The following FREM1 variants were observed in gnomAD, a reference collection of about 807,000 sequenced individuals.
The protein encoded by FREM1 is FRAS1 related extracellular matrix 1.
Under a neutral mutation model 210.1 loss-of-function variants are expected in FREM1, and 220 were observed. The ratio of observed to expected loss-of-function variants is 1.05; its 90% confidence interval spans 0.94 to 1.17. The LOEUF (loss-of-function observed/expected upper bound fraction) is 1.17. Ranked by LOEUF, FREM1 falls within the 50% of genes most tolerant of loss-of-function variation. The pLI is 0.00. For missense variants in FREM1, 3,454 were observed against 2,675.5 expected (o/e 1.29, Z -6.42); for synonymous variants, 1,189 against 980.2 (o/e 1.21, Z -3.98).
chr9:14,789,274 T>G (rs954065103), intron 22 of FREM1, among the ~76,000 whole-genome samples, 160 bp from the exon 23 acceptor site: 1 of 152,212 alleles, frequency 6.6e-6, no homozygotes, highest in African/African-American at 2.4e-5. Context: ...TTTTTTTCTT[T>G]TCAAAGAAAT....
At chr9:14,883,204 A>G (rs1000693791) in intron 1 of FREM1, among the ~76,000 whole-genome samples, 3 of 152,204 alleles carry the variant, frequency 2.0e-5, no homozygotes, top group Non-Finnish European at 4.4e-5. Context: ...ACAACAGAAT[A>G]CATATTAAAA....
rs569581054 is a variant in FREM1, at chr9:14,751,540, A to G, written c.5408-1264T>C. ...GTGGGCGTGGTGGCACGTGCCTGTGATCTCAACCACTCAGGAGGCTGAGGT... is the reference window on the plus strand; with the variant it reads ...GTGGGCGTGGTGGCACGTGCCTGTGGTCTCAACCACTCAGGAGGCTGAGGT... On this transcript the variant is annotated intron_variant, in intron 29 of 36. Coordinates refer to ENST00000380880, the MANE Select transcript of FREM1 (RefSeq NM_001379081.2). 2.6e-5 allele frequency among the ~76,000 whole-genome samples: 4 copies of G among 152,230 alleles called. No homozygotes were observed. In the South Asian group the frequency reaches 8.3e-4, roughly 32 times the overall value.
chr9:14,792,269 C>T (rs1255751841), intron 22 of FREM1, among the ~76,000 whole-genome samples: 3 of 104,594 alleles, frequency 2.9e-5, no homozygotes, highest in Non-Finnish European at 5.8e-5. Flanking sequence ...CCCACACACA[C>T]ACGCACACAC....
chr9:14,906,196 C>G (rs1033203146), intron 1 of FREM1, among the ~76,000 whole-genome samples: 1 of 152,160 alleles, frequency 6.6e-6, no homozygotes, highest in African/African-American at 2.4e-5. Context: ...CATTTTACCC[C>G]TGAGGAAACT....
rs79755908 is a variant in FREM1 at position 14,773,316 on chromosome 9, T to A, written c.4857+2473A>T. On this transcript the variant is annotated intron_variant, in intron 25 of 36. Coordinates refer to ENST00000380880, the MANE Select transcript of FREM1 (RefSeq NM_001379081.2). ...CTGGTATCAGTCAAATACACCTGTGTGTTGCAGCAGTTTTGCCCTCAATTA... is the reference window on the plus strand; with the variant it reads ...CTGGTATCAGTCAAATACACCTGTGAGTTGCAGCAGTTTTGCCCTCAATTA... Among the ~76,000 whole-genome samples the A allele has an allele frequency of 1.2e-3, 177 of 152,344 alleles. 1 individual carries two copies. Among genetic ancestry groups the A allele is most frequent in the African/African-American group, 4.1e-3 (170 of 41,576 alleles).
intron 1 of FREM1, among the ~76,000 whole-genome samples, chr9:14,899,178 T>A (rs1200517866): frequency 6.6e-6 from 1 of 152,104 alleles, no homozygotes; most frequent in African/African-American, 2.4e-5. Flanking sequence ...CTTCTGGGGA[T>A]CTCCTGACCC....
At chr9:14,823,900 G>C (rs1178410503) in intron 12 of FREM1, 125 bp downstream of exon 12, 1 of 492,834 alleles carries the variant, frequency 2.0e-6, no homozygotes, top group Non-Finnish European at 3.6e-6. Context: ...CAAGTAGCAA[G>C]TATAAAGATG....
chr9:14,899,257 G>A (rs1838332619), intron 1 of FREM1, among the ~76,000 whole-genome samples: 2 of 151,412 alleles, frequency 1.3e-5, no homozygotes, highest in South Asian at 4.1e-4. Flanking sequence ...ACATGTGGCT[G>A]CACACCCATG....
rs371055298 is a variant in FREM1, at chr9:14,770,721, C to A, written c.4943G>T (p.Gly1648Val). ...QVGLLKNGCY[G>V]IYITSRVLKA... ...CAACACGCGGGAAGTGATGTAAATC[C>A]CGTAGCAGCCATTTTTCAGGAGCCC... The change falls in exon 26 of 37, where the codon GGG (glycine) becomes GTG (valine). Residue 1648 changes from glycine to valine, a missense_variant. Transcript: ENST00000380880. 1.2e-6 allele frequency: 2 copies of A among 1,613,364 alleles called. No individual in the cohort carries two copies. The highest frequency in any genetic ancestry group is 1.3e-5 in the African/African-American group (1 of 74,876).
rs371254344 is a variant in FREM1 at position 14,737,584 on chromosome 9, G to A, written c.6352C>T (p.Gln2118Ter). 1.9e-6 allele frequency: 3 copies of A among 1,567,146 alleles called. No homozygotes were observed. The highest frequency in any genetic ancestry group is 4.6e-5 in the East Asian group (2 of 43,850). The change falls in exon 37 of 37, where the codon CAA becomes TAA. Residue 2118 changes from glutamine to a stop codon, truncating the protein, a stop_gained. Coordinates refer to ENST00000380880, the MANE Select transcript of FREM1 (RefSeq NM_001379081.2). LOFTEE classifies it high-confidence loss of function. ...CACTCCCAGTGGCCAGCATGCACTT[G>A]GTCGTTCAAACCTAATGTGAACCAA... ...RKSFWIGLND[Q>*]VHAGHWEWIG...
At chr9:14,876,958 G>A (rs1426864105) in intron 1 of FREM1, among the ~76,000 whole-genome samples, 2 of 152,176 alleles carry the variant, frequency 1.3e-5, no homozygotes, top group African/African-American at 4.8e-5. Context: ...AAAACTGGGA[G>A]GTAAGGGGGA....
chr9:14,877,841 C>T (rs934139723), intron 1 of FREM1, among the ~76,000 whole-genome samples: 3 of 152,150 alleles, frequency 2.0e-5, no homozygotes, highest in African/African-American at 7.2e-5. Flanking sequence ...TGACCCCAGA[C>T]CAAGGGAAAT....
chr9:14,747,808 T>C (rs1587677269), intron 31 of FREM1, 80 bp from the exon 32 acceptor site: 6 of 768,362 alleles, frequency 7.8e-6, no homozygotes, highest in Non-Finnish European at 1.3e-5. Context: ...CCAAGTAAGA[T>C]CTTGCTAATG....
intron 17 of FREM1, 146 bp downstream of exon 17, chr9:14,807,794 C>G: frequency 3.2e-6 from 2 of 634,264 alleles, no homozygotes; most frequent in Non-Finnish European, 5.3e-6. Context: ...GGGTTTTCCA[C>G]AAAATTTGTG....
Position 14,842,622 on chromosome 9 carries a change from C to A in FREM1, c.1432G>T (p.Ala478Ser), listed in dbSNP as rs768091023. ...TCATGATGATAGCGAACAACTCCAG[C>A]CTGGAGGTCAGCCACGGTGAAGAGA... ...GFLFTVADLQ[A>S]GVVRYHHDDS... Residue 478 changes from alanine (A) to serine (S), a missense_variant, in exon 9 of 37, where the codon GCT (alanine) becomes TCT (serine). Ala to Ser is a moderately conservative substitution (Grantham distance 99, BLOSUM62 1). Coordinates refer to ENST00000380880, the MANE Select transcript of FREM1 (RefSeq NM_001379081.2). 9.3e-6 allele frequency: 15 copies of A among 1,613,678 alleles called. 1 individual carries two copies. The highest frequency in any genetic ancestry group is 1.7e-5 in the Admixed American group (1 of 59,996).
chr9:14,860,792 T>C lies in FREM1; in HGVS notation c.330-1308A>G, dbSNP rs567315485. Among the ~76,000 whole-genome samples the C allele has an allele frequency of 3.5e-4, 44 of 126,514 alleles. 1 individual carries two copies. Among genetic ancestry groups the C allele is most frequent in the East Asian group, 3.3e-3 (14 of 4,218 alleles). The allele number at this position is 126,514 out of a possible 152,430, so 83.0% of individuals were successfully genotyped here. A position where few individuals can be genotyped will look rare whatever the true frequency, so the allele number is the denominator to read the frequency against. On this transcript the variant is annotated intron_variant, in intron 3 of 36. Transcript: ENST00000380880. ...ATATACACATATATACATATATACA[T>C]ATATACACATATATACATATATACA...
chr9:14,772,315 T>C (rs973380979), intron 25 of FREM1, among the ~76,000 whole-genome samples: 45 of 152,202 alleles, frequency 3.0e-4, no homozygotes, highest in African/African-American at 1.0e-3. Flanking sequence ...CACCAGGGGA[T>C]TTATAAACCA....
intron 10 of FREM1, among the ~76,000 whole-genome samples, chr9:14,829,296 A>C (rs1166929391): frequency 6.6e-6 from 1 of 152,164 alleles, no homozygotes; most frequent in East Asian, 1.9e-4. Flanking sequence ...TTGGTTGTGG[A>C]AAAGCTATTA....
intron 14 of FREM1, among the ~76,000 whole-genome samples, chr9:14,818,799 G>T (rs7019481): frequency 0.21 from 31,482 of 152,024 alleles, 3,586 homozygotes; most frequent in Middle Eastern, 0.29. Flanking sequence ...ACGGAATAAG[G>T]TTACATTAAG....
Sources: allele counts gnomAD v4.1 joint callset (sites outside exome capture counted in the v4.1 genomes callset), GRCh38; gene constraint gnomAD v4.1.1; transcripts MANE v1.5; gene names NCBI Gene and HGNC (gene_info 2026-07-23, HGNC 2026-07-21).